SLC36A1: variants seen among roughly 807,000 people sequenced by gnomAD.
The protein encoded by SLC36A1 is solute carrier family 36 member 1.
A neutral mutation model predicts 47.5 loss-of-function variants in SLC36A1; 30 were observed. The observed-to-expected ratio is 0.63, with a 90% CI of 0.47 to 0.86. The LOEUF is 0.86. SLC36A1 is among the 40% of genes least tolerant of loss of function. The pLI is 0.00. For missense variants in SLC36A1, 517 were observed against 606.0 expected, an observed-to-expected ratio of 0.85 and a Z score of 1.54; for synonymous variants, 255 against 249.7, an observed-to-expected ratio of 1.02 and a Z score of -0.20.
At chr5:151,481,499 A>T (rs1047721879) in intron 10 of SLC36A1, among the ~76,000 whole-genome samples, 2 of 152,128 alleles carry the variant, frequency 1.3e-5, no homozygotes, top group African/African-American at 2.4e-5. Context: ...TTAGATCTTT[A>T]ATTGATTTTT....
the SLC36A1 span, chr5:151,554,364 T>A: frequency 6.2e-7 from 1 of 1,612,856 alleles, no homozygotes; most frequent in Admixed American, 1.7e-5. Flanking sequence ...CTGCTCACCG[T>A]TAGGATGTTG....
the SLC36A1 span, chr5:151,549,470 G>A: frequency 2.7e-4 from 435 of 1,614,178 alleles, 5 homozygotes; most frequent in South Asian, 4.0e-3. Flanking sequence ...TCACCCACAC[G>A]AAGTTCCTCT....
At chr5:151,551,453 C>G in the SLC36A1 span, 4 of 1,613,230 alleles carry the variant, frequency 2.5e-6, no homozygotes, top group Middle Eastern at 1.8e-4. Context: ...GGGTCCCCAG[C>G]CGAGGCCTCT....
chr5:151,503,165 A>G, the SLC36A1 span, among the ~76,000 whole-genome samples: 1 of 147,848 alleles, frequency 6.8e-6, no homozygotes, highest in African/African-American at 2.7e-5. Context: ...CATATTATAC[A>G]TTTGTCCAAA....
the SLC36A1 span, chr5:151,526,117 G>T: frequency 3.7e-6 from 3 of 805,924 alleles, no homozygotes; most frequent in Non-Finnish European, 4.0e-6. Context: ...CATTCATTCT[G>T]CCTGCCTTTG....
intron 1 of SLC36A1, among the ~76,000 whole-genome samples, chr5:151,439,117 G>GGAGA (rs10593815): frequency 6.7e-6 from 1 of 150,134 alleles, no homozygotes; most frequent in Non-Finnish European, 1.5e-5. Flanking sequence ...CATGGCAGCA[G>GGAGA]GAGAGAGAGA....
At chr5:151,380,779 C>T in the SLC36A1 span, 15 of 528,122 alleles carry the variant, frequency 2.8e-5, no homozygotes, top group Non-Finnish European at 4.6e-5. Context: ...ACATTGTGAG[C>T]GCAAGGCCTC....
the SLC36A1 span, among the ~76,000 whole-genome samples, chr5:151,369,053 C>G: frequency 1.3e-5 from 2 of 152,316 alleles, no homozygotes; most frequent in African/African-American, 4.8e-5. Context: ...AATGATTTCT[C>G]TAAGAGAAGA....
the SLC36A1 span, chr5:151,522,213 C>G: frequency 1.5e-6 from 1 of 660,968 alleles, no homozygotes; most frequent in Non-Finnish European, 2.5e-6. Context: ...TGGCTCAGCG[C>G]ATTGTTGCAT....
At chr5:151,552,591 C>CT in the SLC36A1 span, among the ~76,000 whole-genome samples, 1 of 152,200 alleles carries the variant, frequency 6.6e-6, no homozygotes, top group Non-Finnish European at 1.5e-5. Context: ...GTGCACACAA[C>CT]TTTCTGGGAA....
At chr5:151,504,109 A>C in the SLC36A1 span, 1 of 149,070 alleles carries the variant, frequency 6.7e-6, no homozygotes, top group African/African-American at 2.4e-5. Flanking sequence ...AAAAAAAGAT[A>C]CTTTATTGTT....
At chr5:151,541,286 C>T in the SLC36A1 span, among the ~76,000 whole-genome samples, 2 of 152,174 alleles carry the variant, frequency 1.3e-5, no homozygotes, top group Non-Finnish European at 2.9e-5. Flanking sequence ...ATTTCTCACT[C>T]TGAGATCCTA....
At chr5:151,400,542 G>A in the SLC36A1 span, among the ~76,000 whole-genome samples, 5 of 152,052 alleles carry the variant, frequency 3.3e-5, no homozygotes, top group East Asian at 5.8e-4. Context: ...TTGCTGACTC[G>A]AATGGTAGTT....
the SLC36A1 span, chr5:151,506,023 C>A: frequency 6.4e-7 from 1 of 1,573,388 alleles, no homozygotes; most frequent in Non-Finnish European, 8.6e-7. Context: ...CCCTGAGTCA[C>A]TTCGGAGTGG....
intron 10 of SLC36A1, among the ~76,000 whole-genome samples, chr5:151,484,644 C>T (rs1308913895): frequency 1.3e-5 from 2 of 152,116 alleles, no homozygotes; most frequent in South Asian, 4.1e-4. Flanking sequence ...GCTGATTTGC[C>T]CTGCACCACT....
rs184813567 is a variant in SLC36A1 at position 151,482,143 on chromosome 5, T to G, written c.1159+2654T>G. Among the ~76,000 whole-genome samples the G allele has an allele frequency of 4.1e-3, 623 of 152,314 alleles. 2 individuals carry two copies. The highest frequency in any genetic ancestry group is 6.8e-3 in the Non-Finnish European group (461 of 68,012). ...CTGCAAAACATTCCAAGCAGTCGGA[T>G]TTTTAGAGGATGAAGCTTCCAGGTC... On this transcript the variant is annotated intron_variant, in intron 10 of 10. Transcript: ENST00000243389.
the SLC36A1 span, among the ~76,000 whole-genome samples, chr5:151,398,393 G>A: frequency 6.6e-6 from 1 of 152,108 alleles, no homozygotes; most frequent in South Asian, 2.1e-4. Flanking sequence ...GCAGGTGTGC[G>A]GGCTGAAATA....
chr5:151,393,808 C>T, the SLC36A1 span, among the ~76,000 whole-genome samples: 527 of 152,164 alleles, frequency 3.5e-3, 2 homozygotes, highest in African/African-American at 0.011. Flanking sequence ...GTGGGTAACC[C>T]GACCTTTCTC....
At chr5:151,429,476 T>A in the SLC36A1 span, among the ~76,000 whole-genome samples, 1 of 151,774 alleles carries the variant, frequency 6.6e-6, no homozygotes. Context: ...TGCGATAGTT[T>A]GCTGAGAATG....
Sources: gnomAD v4.1 joint callset for allele counts (sites outside exome capture counted in the v4.1 genomes callset) on GRCh38, gnomAD v4.1.1 for gene constraint, MANE v1.5 for transcripts, NCBI Gene and HGNC (gene_info 2026-07-23, HGNC 2026-07-21) for gene names.